Variants in DCDC1 observed in about 807,000 individuals in gnomAD.
The protein encoded by DCDC1 is doublecortin domain containing 1.
In DCDC1, 200 loss-of-function variants were observed where a neutral mutation model predicts 178.3. The observed-to-expected ratio is 1.12, with a 90% CI of 1.00 to 1.26. The LOEUF is 1.26. Among genes scored for constraint, DCDC1 ranks in the 50% most tolerant of loss-of-function variants. The pLI, the probability that DCDC1 is intolerant of heterozygous loss-of-function variation, is 0.00. For missense variants in DCDC1, 1,983 were observed against 1,749.2 expected (o/e 1.13, Z -2.38); for synonymous variants, 690 against 604.8 (o/e 1.14, Z -2.07).
At chr11:31,219,397 T>C (rs1363842890) in intron 9 of DCDC1, among the ~76,000 whole-genome samples, 2 of 152,120 alleles carry the variant, frequency 1.3e-5, no homozygotes, top group East Asian at 1.9e-4. Flanking sequence ...TTCAATAAAC[T>C]AGCCCCCTGG....
intron 9 of DCDC1, among the ~76,000 whole-genome samples, chr11:31,177,977 CA>C (rs947148196): frequency 1.3e-5 from 2 of 151,450 alleles, no homozygotes; most frequent in Non-Finnish European, 2.9e-5. Flanking sequence ...ATCATCTAGA[CA>C]AAAAAAATCA....
At chr11:30,924,440 G>A (rs1417149418) in intron 23 of DCDC1, among the ~76,000 whole-genome samples, 1 of 152,078 alleles carries the variant, frequency 6.6e-6, no homozygotes, top group Admixed American at 6.6e-5. Flanking sequence ...AAGAATTGTA[G>A]GCATCAATCA....
At chr11:30,940,448 T>A (rs1947561967) in intron 21 of DCDC1, among the ~76,000 whole-genome samples, 1 of 152,160 alleles carries the variant, frequency 6.6e-6, no homozygotes, top group Non-Finnish European at 1.5e-5. Context: ...TATAAACCCC[T>A]AATTTTAATG....
At chr11:31,035,775 CA>C (rs1953985866) in intron 20 of DCDC1, among the ~76,000 whole-genome samples, 1 of 152,244 alleles carries the variant, frequency 6.6e-6, no homozygotes, top group Non-Finnish European at 1.5e-5. Context: ...ATCTTGCTTA[CA>C]GCAATTATTG....
chr11:31,182,343 C>T (rs960353516), intron 9 of DCDC1, among the ~76,000 whole-genome samples: 17 of 152,120 alleles, frequency 1.1e-4, no homozygotes, highest in African/African-American at 3.4e-4. Context: ...GTGGGGTTAT[C>T]CACAAAGGGA....
At chr11:31,218,384 C>T (rs917523789) in intron 9 of DCDC1, among the ~76,000 whole-genome samples, 1 of 152,074 alleles carries the variant, frequency 6.6e-6, no homozygotes, top group Non-Finnish European at 1.5e-5. Context: ...CAATCACTTC[C>T]TTTTCAAATC....
chr11:31,031,332 T>A (rs1378090591), intron 20 of DCDC1, among the ~76,000 whole-genome samples: 1 of 152,090 alleles, frequency 6.6e-6, no homozygotes, highest in Non-Finnish European at 1.5e-5. Context: ...ATCATTGTGC[T>A]TTTCCGAAAA....
At chr11:31,014,328 A>G (rs1342694528) in intron 20 of DCDC1, among the ~76,000 whole-genome samples, 1 of 151,916 alleles carries the variant, frequency 6.6e-6, no homozygotes, top group Non-Finnish European at 1.5e-5. Context: ...CCCTGTGGAA[A>G]GGCCCCATTT....
rs1437227335 is a variant in DCDC1, at chr11:30,888,010, AAAAG to A, written c.5082+4804_5082+4807del. On this transcript the variant is annotated intron_variant, in intron 36 of 38. Transcript: ENST00000684477. ...AAGAGCAAAATTCCGTCAAAAAAAA[AAAAG>A]AAAGAAAGAGAGAGAGAGAGAAAGA... Among the ~76,000 whole-genome samples, 18 of 148,636 alleles carry A rather than the reference AAAAG, an allele frequency of 1.2e-4. 1 individual carries two copies. The highest frequency in any genetic ancestry group is 3.5e-4 in the African/African-American group (14 of 39,848).
intron 6 of DCDC1, among the ~76,000 whole-genome samples, chr11:31,305,293 T>G (rs1163970823): frequency 6.6e-6 from 1 of 152,174 alleles, no homozygotes; most frequent in Non-Finnish European, 1.5e-5. Context: ...TTATGTCTGT[T>G]GAGTGTCACA....
Position 31,091,454 on chromosome 11 carries a change from T to C in DCDC1, c.2176A>G (p.Ile726Val), listed in dbSNP as rs371778122. ...TQGCLAIGHP[I>V]RVKAAEGTSL... is the part of the protein sequence containing the mutation. ...GTTCCCTCAGCAGCCTTGACTCTGA[T>C]AGGATGACCAATAGCCAGGCAGCCC... Residue 726 changes from isoleucine (I) to valine (V), a missense_variant, in exon 17 of 39, where the codon ATC becomes GTC. By Grantham distance (29) the Ile-to-Val change is conservative. Coordinates refer to ENST00000684477, the MANE Select transcript of DCDC1 (RefSeq NM_001387274.1). The C allele has an allele frequency of 5.5e-5, 42 of 762,434 alleles. No individual in the cohort carries two copies. Among genetic ancestry groups the C allele is most frequent in the Non-Finnish European group, 5.5e-5 (23 of 416,078 alleles). 47.2% of individuals were successfully genotyped at this position (762,434 alleles called of 1,614,324 possible). A position where few individuals can be genotyped will look rare whatever the true frequency, so the allele number is the denominator to read the frequency against.
At chr11:30,899,744 A>G (rs273561) in intron 33 of DCDC1, 102 bp from the exon 34 acceptor site, 85,637 of 851,696 alleles carry the variant, frequency 0.1, 4,906 homozygotes, top group Admixed American at 0.21. Context: ...TTCAATTAGA[A>G]ACAAGTAATT....
At chr11:31,171,432 A>G (rs889865230) in intron 9 of DCDC1, among the ~76,000 whole-genome samples, 1 of 152,212 alleles carries the variant, frequency 6.6e-6, no homozygotes. Flanking sequence ...CAATTTGCCA[A>G]TCCTTGAATT....
intron 20 of DCDC1, among the ~76,000 whole-genome samples, chr11:31,036,724 A>G (rs1258519119): frequency 6.6e-6 from 1 of 152,234 alleles, no homozygotes; most frequent in African/African-American, 2.4e-5. Context: ...TACATTTTGA[A>G]TCAGAGGTTG....
chr11:30,969,127 A>G (rs1949637393), intron 20 of DCDC1, among the ~76,000 whole-genome samples: 1 of 152,176 alleles, frequency 6.6e-6, no homozygotes, highest in Non-Finnish European at 1.5e-5. Context: ...TGGTAGAATA[A>G]TGGTCCCTCT....
chr11:30,912,325 C>T (rs1209726707), intron 27 of DCDC1, among the ~76,000 whole-genome samples: 1 of 151,952 alleles, frequency 6.6e-6, no homozygotes, highest in Non-Finnish European at 1.5e-5. Flanking sequence ...ACTCTGTCAC[C>T]CGGGTTGGAG....
intron 9 of DCDC1, among the ~76,000 whole-genome samples, chr11:31,230,363 A>AAAAATAGAAAAAAAAAGAAAAAATAT: frequency 1.3e-5 from 2 of 152,040 alleles, no homozygotes; most frequent in South Asian, 4.1e-4. Flanking sequence ...CCAAAAAGAA[A>AAAAATAGAAAAAAAAAGAAAAAATAT]AAAATAGAAA....
chr11:30,900,348 T>G lies in DCDC1; in HGVS notation c.4661A>C (p.Asn1554Thr), dbSNP rs1488817824. ...GAAAGCAAAAACAAAAAAGTTACCA[T>G]TTGGAGGTAGAAATGGTTCACCACA... Reference protein sequence around the residue: ...VSCGEPFLPPNALQKAEKLEK... With the variant: ...VSCGEPFLPPTALQKAEKLEK... Residue 1554 changes from asparagine to threonine, a missense_variant and splice_region_variant, in exon 33 of 39, where the codon AAT becomes ACT. Asn to Thr is a moderately conservative substitution (Grantham distance 65). Coordinates refer to ENST00000684477, the MANE Select transcript of DCDC1 (RefSeq NM_001387274.1). The G allele has an allele frequency of 6.6e-7, 1 of 1,520,730 alleles. No individual in the cohort carries two copies. Among genetic ancestry groups the G allele is most frequent in the Non-Finnish European group, 8.8e-7 (1 of 1,134,934 alleles). 94.2% of individuals were successfully genotyped at this position (1,520,730 alleles called of 1,614,324 possible).
intron 9 of DCDC1, among the ~76,000 whole-genome samples, chr11:31,227,766 T>C (rs1234352695): frequency 6.6e-6 from 1 of 152,050 alleles, no homozygotes; most frequent in South Asian, 2.1e-4. Context: ...AGACAGAATA[T>C]AAAGATATAG....
Sources: gnomAD v4.1 joint callset for allele counts (sites outside exome capture counted in the v4.1 genomes callset) on GRCh38, gnomAD v4.1.1 for gene constraint, MANE v1.5 for transcripts, NCBI Gene and HGNC (gene_info 2026-07-23, HGNC 2026-07-21) for gene names.